The following CAST variants were observed in gnomAD, a reference collection of about 807,000 sequenced individuals.
CAST encodes MIR583 host.
In CAST, 76 loss-of-function variants were observed where a neutral mutation model predicts 119.6. The ratio of observed to expected loss-of-function variants is 0.64; its 90% confidence interval spans 0.53 to 0.77. The LOEUF (loss-of-function observed/expected upper bound fraction) is 0.77. CAST is among the 30% of genes least tolerant of loss of function. The pLI, the probability that CAST is intolerant of heterozygous loss-of-function variation, is 0.00. For synonymous variants in CAST, 319 were observed against 331.6 expected (o/e 0.96, Z 0.41); for missense variants, 953 against 946.5 (o/e 1.01, Z -0.09).
chr5:96,402,787 C>A, the CAST span, among the ~76,000 whole-genome samples: 1 of 152,074 alleles, frequency 6.6e-6, no homozygotes, highest in Admixed American at 6.5e-5. Flanking sequence ...GAGCTGAGCT[C>A]CCGACAAACA....
At chr5:96,736,833 T>G (rs1761749324) in intron 10 of CAST, among the ~76,000 whole-genome samples, 1 of 152,226 alleles carries the variant, frequency 6.6e-6, no homozygotes, top group Admixed American at 6.5e-5. Flanking sequence ...TATTATTATA[T>G]TAGTCCATGT....
At chr5:96,463,303 A>C in the CAST span, among the ~76,000 whole-genome samples, 17 of 152,132 alleles carry the variant, frequency 1.1e-4, no homozygotes, top group Non-Finnish European at 5.9e-5. Flanking sequence ...GATTTGGAAA[A>C]GGTCCAGTAA....
the CAST span, among the ~76,000 whole-genome samples, chr5:96,415,475 C>T: frequency 3.0e-3 from 456 of 152,290 alleles, 5 homozygotes; most frequent in Non-Finnish European, 4.8e-3. Flanking sequence ...TCTTGTAAAT[C>T]GTTTCTTTAT....
At chr5:96,705,257 G>A (rs1754706598) in intron 3 of CAST, among the ~76,000 whole-genome samples, 1 of 152,004 alleles carries the variant, frequency 6.6e-6, no homozygotes, top group African/African-American at 2.4e-5. Context: ...AGGTTAAATT[G>A]TAGTGAGCTG....
At chr5:96,417,821 C>G in the CAST span, among the ~76,000 whole-genome samples, 1 of 152,188 alleles carries the variant, frequency 6.6e-6, no homozygotes, top group African/African-American at 2.4e-5. Flanking sequence ...ATACAGAAGG[C>G]AACTTATGCT....
the CAST span, among the ~76,000 whole-genome samples, chr5:96,257,853 A>C: frequency 6.6e-6 from 1 of 152,236 alleles, no homozygotes; most frequent in Non-Finnish European, 1.5e-5. Context: ...AGCGGCGCAC[A>C]AGGCGCACTC....
chr5:96,745,060 G>T (rs907637685), intron 16 of CAST, among the ~76,000 whole-genome samples: 2 of 152,166 alleles, frequency 1.3e-5, no homozygotes, highest in East Asian at 1.9e-4. Context: ...CTGGCCGCAT[G>T]TGTAACTTTC....
the CAST span, among the ~76,000 whole-genome samples, chr5:96,416,530 T>C: frequency 6.6e-6 from 1 of 152,254 alleles, no homozygotes; most frequent in African/African-American, 2.4e-5. Flanking sequence ...CTTTGTACTT[T>C]TTGGTAGCAA....
the CAST span, among the ~76,000 whole-genome samples, chr5:96,420,772 G>GGAGA: frequency 1.5e-5 from 2 of 135,412 alleles, no homozygotes; most frequent in African/African-American, 2.9e-5. Context: ...AGGAAGAGAG[G>GGAGA]GAGAGAGAGA....
chr5:96,229,526 C>T, the CAST span, among the ~76,000 whole-genome samples: 1 of 152,084 alleles, frequency 6.6e-6, no homozygotes, highest in Non-Finnish European at 1.5e-5. Flanking sequence ...ACAGTGGTAT[C>T]TTCCTGAGCC....
At chr5:96,672,706 C>CAAAAAA (rs11427288) in intron 1 of CAST, among the ~76,000 whole-genome samples, 13 of 59,134 alleles carry the variant, frequency 2.2e-4, no homozygotes, top group East Asian at 4.8e-4. Flanking sequence ...GACTCAGTCT[C>CAAAAAA]AAAAAAAAAA....
At chr5:96,492,334 G>C in the CAST span, among the ~76,000 whole-genome samples, 1 of 152,146 alleles carries the variant, frequency 6.6e-6, no homozygotes, top group Non-Finnish European at 1.5e-5. Flanking sequence ...GTTGGGTCTT[G>C]AGTATATTTC....
chr5:96,348,321 T>A, the CAST span, among the ~76,000 whole-genome samples: 43 of 152,002 alleles, frequency 2.8e-4, no homozygotes, highest in African/African-American at 8.2e-4. Context: ...CTCTTTGTTT[T>A]GTTTTTAAAT....
At chr5:96,111,181 G>A in the CAST span, among the ~76,000 whole-genome samples, 186 of 152,248 alleles carry the variant, frequency 1.2e-3, no homozygotes, top group Middle Eastern at 6.8e-3. Context: ...GGAACACTTC[G>A]TATTACTGGT....
chr5:96,539,893 A>G (rs756311896), intron 1 of CAST, among the ~76,000 whole-genome samples: 1 of 152,136 alleles, frequency 6.6e-6, no homozygotes, highest in Non-Finnish European at 1.5e-5. Flanking sequence ...CTATTTGGGC[A>G]ATCTGTCCTT....
the CAST span, among the ~76,000 whole-genome samples, chr5:96,124,704 T>A: frequency 3.5e-3 from 531 of 152,280 alleles, 2 homozygotes; most frequent in African/African-American, 4.5e-3. Flanking sequence ...ATAAGCAAAT[T>A]GATAGTAGTC....
the CAST span, among the ~76,000 whole-genome samples, chr5:96,120,956 C>T: frequency 3.3e-5 from 5 of 152,066 alleles, no homozygotes; most frequent in African/African-American, 4.8e-5. Flanking sequence ...GATATTCACT[C>T]GTGTTTCAAT....
At chr5:96,557,579 C>G (rs1165953123) in intron 1 of CAST, among the ~76,000 whole-genome samples, 1 of 152,116 alleles carries the variant, frequency 6.6e-6, no homozygotes. Flanking sequence ...ATAAAACAGA[C>G]TTTAAACCAA....
chr5:96,584,892 C>A (rs1746831724), intron 1 of CAST: 1 of 152,188 alleles, frequency 6.6e-6, no homozygotes, highest in Admixed American at 6.5e-5. Flanking sequence ...GCTGCAGGAA[C>A]AGGAAACAAA....
Sources: gnomAD v4.1 joint callset for allele counts (sites outside exome capture counted in the v4.1 genomes callset) on GRCh38, gnomAD v4.1.1 for gene constraint, MANE v1.5 for transcripts, NCBI Gene and HGNC (gene_info 2026-07-23, HGNC 2026-07-21) for gene names.